PCDHGB7: variants seen among roughly 807,000 people sequenced by gnomAD.
PCDHGB7 encodes protocadherin gamma-B7.
A neutral mutation model predicts 61.4 loss-of-function variants in PCDHGB7; 37 were observed. That is an observed-to-expected ratio of 0.60 (90% CI 0.46 to 0.79). The LOEUF is 0.79. Ranked by LOEUF, PCDHGB7 falls within the 30% of genes least tolerant of loss-of-function variation. PCDHGB7 has a pLI of 0.00. For missense variants in PCDHGB7, 1,166 were observed against 1,202.5 expected, an observed-to-expected ratio of 0.97 and a Z score of 0.45; for synonymous variants, 464 against 503.5, an observed-to-expected ratio of 0.92 and a Z score of 1.05.
intron 1 of PCDHGB7, among the ~76,000 whole-genome samples, chr5:141,444,497 C>G (rs899746599): frequency 3.3e-5 from 5 of 152,026 alleles, no homozygotes; most frequent in African/African-American, 1.2e-4. Context: ...TTGTGTAATA[C>G]TTTGCTCTAG....
chr5:141,474,847 GCCTTCT>G (rs906863967), intron 1 of PCDHGB7, among the ~76,000 whole-genome samples: 3 of 152,198 alleles, frequency 2.0e-5, no homozygotes, highest in African/African-American at 7.2e-5. Context: ...CACTTTACCT[GCCTTCT>G]TCATTTAATA....
chr5:141,476,535 T>C lies in PCDHGB7; in HGVS notation c.2416-18272T>C. 5 of 1,614,038 alleles carry C rather than the reference T, an allele frequency of 3.1e-6. No individual in the cohort carries two copies. The highest frequency in any genetic ancestry group is 4.2e-6 in the Non-Finnish European group (5 of 1,180,010). On this transcript the variant is annotated intron_variant, in intron 1 of 3. Coordinates refer to ENST00000398594, the MANE Select transcript of PCDHGB7 (RefSeq NM_018927.4). The surrounding 1 kb of genome is among the most constrained non-coding windows in gnomAD (Gnocchi z 7.6). ...AATCCTGCTTTCCCTACCCAGGAAA[T>C]GAAATTGGAGATTAGCGAGGCCGTG...
chr5:141,464,184 G>T (rs1348739162), intron 1 of PCDHGB7, among the ~76,000 whole-genome samples: 1 of 150,316 alleles, frequency 6.7e-6, no homozygotes, highest in Non-Finnish European at 1.5e-5. Flanking sequence ...AGAATTGCTT[G>T]ATTTCAGGAG....
intron 3 of PCDHGB7, among the ~76,000 whole-genome samples, chr5:141,509,781 T>TCATC (rs1198131164): frequency 6.6e-6 from 1 of 152,116 alleles, no homozygotes; most frequent in Non-Finnish European, 1.5e-5. Flanking sequence ...GTCCCCGAGA[T>TCATC]CATCATCTCC....
intron 1 of PCDHGB7, chr5:141,433,165 C>T: frequency 2.5e-6 from 4 of 1,613,470 alleles, no homozygotes; most frequent in Non-Finnish European, 2.5e-6. Context: ...TTTCTAAAGA[C>T]AGTCATGGGT....
intron 1 of PCDHGB7, among the ~76,000 whole-genome samples, chr5:141,420,624 CTCAA>C (rs1561789527): frequency 1.3e-5 from 2 of 152,278 alleles, no homozygotes; most frequent in Admixed American, 1.3e-4. Context: ...TCTTCATTTA[CTCAA>C]TAAAGGAACC....
Position 141,485,193 on chromosome 5 carries a change from G to C in PCDHGB7, c.2416-9614G>C. 1 of 1,613,988 alleles carries C rather than the reference G, an allele frequency of 6.2e-7. No individual in the cohort carries two copies. Among genetic ancestry groups the C allele is most frequent in the Non-Finnish European group, 8.5e-7 (1 of 1,179,852 alleles). On this transcript the variant is annotated intron_variant, in intron 1 of 3. Transcript: ENST00000398594. This position sits in a 1 kb window ranked among gnomAD's most constrained non-coding sequence, Gnocchi z 5.7. ...GCAGCAATGCTCCGCAAGGTGAGAA[G>C]CTGGACAGAAATCTGGCGGTGGGCT...
Position 141,462,050 on chromosome 5 carries a change from C to T in PCDHGB7, c.2416-32757C>T, listed in dbSNP as rs146056741. On this transcript the variant is annotated intron_variant, in intron 1 of 3. Coordinates refer to ENST00000398594, the MANE Select transcript of PCDHGB7 (RefSeq NM_018927.4). ...GTTGGTCAGGCGGGTCTTGAACTCC[C>T]GACCTCAGGTGATCTGCCCGCCTTG... is the stretch of plus-strand genomic sequence containing the variant. 5.5e-3 allele frequency among the ~76,000 whole-genome samples: 830 copies of T among 151,978 alleles called. 23 individuals are homozygous for T. The East Asian group carries it at 0.095, about 17-fold the overall frequency.
rs549801775 is a variant in PCDHGB7 at position 141,419,346 on chromosome 5, T to C, written c.1487T>C (p.Leu496Pro). The C allele has an allele frequency of 6.2e-7, 1 of 1,613,828 alleles. No individual in the cohort carries two copies. The highest frequency in any genetic ancestry group is 2.2e-5 in the East Asian group (1 of 44,886). Reference protein sequence around the residue: ...RVSYSLIASDLESRTLSSYVS... With the variant: ...RVSYSLIASDPESRTLSSYVS... ...TCCTACTCTCTCATTGCCAGCGACCTGGAGTCACGAACGCTGTCGTCCTAC... is the reference window on the plus strand; with the variant it reads ...TCCTACTCTCTCATTGCCAGCGACCCGGAGTCACGAACGCTGTCGTCCTAC... The change falls in exon 1 of 4, where the codon CTG becomes CCG. Residue 496 changes from leucine (L) to proline (P), a missense_variant. By Grantham distance (98) the Leu-to-Pro change is moderately conservative (BLOSUM62 -3). Coordinates refer to ENST00000398594, the MANE Select transcript of PCDHGB7 (RefSeq NM_018927.4).
rs191642740 is a variant in PCDHGB7 at position 141,509,833 on chromosome 5, C to T, written c.2564-1114C>T. On this transcript the variant is annotated intron_variant, in intron 3 of 3. Coordinates refer to ENST00000398594, the MANE Select transcript of PCDHGB7 (RefSeq NM_018927.4). ...GAGCTCTTCTCCATCTTCTCTCTAC[C>T]TCCCATTCACTCAGAACAGGGATAA... 2.6e-5 allele frequency among the ~76,000 whole-genome samples: 4 copies of T among 152,300 alleles called. No individual in the cohort carries two copies. The East Asian group carries it at 7.7e-4, about 29-fold the overall frequency.
At chr5:141,457,432 C>G (rs982456249) in intron 1 of PCDHGB7, among the ~76,000 whole-genome samples, 1 of 152,172 alleles carries the variant, frequency 6.6e-6, no homozygotes, top group Non-Finnish European at 1.5e-5. Context: ...TCCCCCCCAC[C>G]AAGCTGCAGA....
chr5:141,509,839 T>C (rs1277859334), intron 3 of PCDHGB7, among the ~76,000 whole-genome samples: 4 of 152,162 alleles, frequency 2.6e-5, no homozygotes, highest in Non-Finnish European at 5.9e-5. Context: ...CTACCTCCCA[T>C]TCACTCAGAA....
At chr5:141,426,720 A>T (rs1448232477) in intron 1 of PCDHGB7, 4 of 447,600 alleles carry the variant, frequency 8.9e-6, no homozygotes, top group Non-Finnish European at 1.8e-5. Flanking sequence ...TGAACTAGCA[A>T]TTCCAGGCAT....
rs752088903 is a variant in PCDHGB7, at chr5:141,490,784, G to A, written c.2416-4023G>A. The A allele has an allele frequency of 1.7e-5, 27 of 1,613,906 alleles. No individual in the cohort carries two copies. The highest frequency in any genetic ancestry group is 1.2e-4 in the African/African-American group (9 of 74,922). The stretch of plus-strand genomic sequence containing the variant: ...GTGTATGTCAACCCAGAGGATGGAC[G>A]GATCTTTGCCCAGCGTACCTTTGAC... On this transcript the variant is annotated intron_variant, in intron 1 of 3. Transcript: ENST00000398594. This position sits in a 1 kb window ranked among gnomAD's most constrained non-coding sequence, Gnocchi z 5.4.
rs765634746 is a variant in PCDHGB7 at position 141,418,621 on chromosome 5, C to A, written c.762C>A (p.Asp254Glu). The change falls in exon 1 of 4, where the codon GAC (aspartate) becomes GAA (glutamate). Residue 254 changes from aspartate (D) to glutamate (E), a missense_variant. By Grantham distance (45) the Asp-to-Glu change is conservative (BLOSUM62 2). Transcript: ENST00000398594. Reference sequence around the variant, plus strand: ...TGTACAGGGTTAGCCTTCGGGAAGACGTGCCTCCAGGCACCTCCATCCTGA... The same window carrying A: ...TGTACAGGGTTAGCCTTCGGGAAGAAGTGCCTCCAGGCACCTCCATCCTGA... The part of the protein sequence containing the change: ...QDVYRVSLRE[D>E]VPPGTSILRV... 8 of 1,614,034 alleles carry A rather than the reference C, an allele frequency of 5.0e-6. No individual in the cohort carries two copies. The East Asian group carries it at 1.8e-4, about 36-fold the overall frequency.
chr5:141,470,794 C>T (rs1332287628), intron 1 of PCDHGB7, among the ~76,000 whole-genome samples: 1 of 152,162 alleles, frequency 6.6e-6, no homozygotes, highest in African/African-American at 2.4e-5. Flanking sequence ...CTCAAGCAAT[C>T]CTCCCACTTC....
Position 141,419,781 on chromosome 5 carries a change from G to A in PCDHGB7, c.1922G>A (p.Arg641His). 6.2e-7 allele frequency: 1 copy of A among 1,614,032 alleles called. No homozygotes were observed. Among genetic ancestry groups the A allele is most frequent in the Non-Finnish European group, 8.5e-7 (1 of 1,179,892 alleles). ...ALGDKDSVRQRLLVAVRDGGQ... is the reference protein window; with the variant it reads ...ALGDKDSVRQHLLVAVRDGGQ... ...GGTGACAAGGACTCGGTCCGCCAGC[G>A]CCTGCTAGTCGCTGTAAGAGATGGA... The change falls in exon 1 of 4, where the codon CGC becomes CAC. Residue 641 changes from arginine to histidine, a missense_variant. Arg to His is a conservative substitution (Grantham distance 29). Coordinates refer to ENST00000398594, the MANE Select transcript of PCDHGB7 (RefSeq NM_018927.4).
chr5:141,495,943 CTGT>C (rs1324780860), intron 2 of PCDHGB7, among the ~76,000 whole-genome samples: 1 of 152,010 alleles, frequency 6.6e-6, no homozygotes, highest in Non-Finnish European at 1.5e-5. Flanking sequence ...GTCTCTGTGC[CTGT>C]TGTCTTTTTC....
intron 1 of PCDHGB7, among the ~76,000 whole-genome samples, chr5:141,459,111 A>G (rs2098961190): frequency 1.3e-5 from 2 of 152,218 alleles, no homozygotes; most frequent in Non-Finnish European, 2.9e-5. Flanking sequence ...CATTTTGACA[A>G]TTGTTTACAT....
Sources: allele counts gnomAD v4.1 joint callset (sites outside exome capture counted in the v4.1 genomes callset), GRCh38; gene constraint gnomAD v4.1.1; non-coding constraint Gnocchi (gnomAD v3.1); transcripts MANE v1.5; gene names NCBI Gene and HGNC (gene_info 2026-07-23, HGNC 2026-07-21).